CPQ: variants seen among roughly 807,000 people sequenced by gnomAD.
CPQ encodes Ser-Met dipeptidase.
A neutral mutation model predicts 45.7 loss-of-function variants in CPQ; 37 were observed. The ratio of observed to expected loss-of-function variants is 0.81; its 90% confidence interval spans 0.62 to 1.07. The LOEUF is 1.07. Ranked by LOEUF, CPQ falls within the 50% of genes least tolerant of loss-of-function variation. The pLI is 0.00. For missense variants in CPQ, 537 were observed against 572.9 expected (o/e 0.94, Z 0.64); for synonymous variants, 186 against 205.8 (o/e 0.90, Z 0.82).
chr8:96,908,241 A>C (rs762131964), intron 4 of CPQ, among the ~76,000 whole-genome samples: 14 of 152,084 alleles, frequency 9.2e-5, no homozygotes, highest in Non-Finnish European at 1.9e-4. Context: ...AATATATTTC[A>C]GAATTCTTAA....
At chr8:97,101,582 T>C (rs1028956483) in intron 7 of CPQ, among the ~76,000 whole-genome samples, 2 of 148,406 alleles carry the variant, frequency 1.3e-5, no homozygotes, top group African/African-American at 4.9e-5. Flanking sequence ...CTTTTTTTTT[T>C]TTTTTTTTTG....
chr8:96,782,992 C>A (rs921853510), intron 1 of CPQ, among the ~76,000 whole-genome samples: 24 of 152,158 alleles, frequency 1.6e-4, no homozygotes, highest in Non-Finnish European at 3.2e-4. Flanking sequence ...ATATTTCTGT[C>A]AGCATTCTGG....
chr8:96,717,524 G>T lies in CPQ; in HGVS notation c.-34-67340G>T, dbSNP rs186720497. Among the ~76,000 whole-genome samples, 383 of 152,118 alleles carry T rather than the reference G, an allele frequency of 2.5e-3. 4 individuals are homozygous for T. The highest frequency in any genetic ancestry group is 8.7e-3 in the African/African-American group (359 of 41,470). Reference sequence around the variant, plus strand: ...AAGAACAATATGATTTATTCTTTTCGCTTAGCCTTGCTTTGGCTATGTAGG... The same window carrying T: ...AAGAACAATATGATTTATTCTTTTCTCTTAGCCTTGCTTTGGCTATGTAGG... On this transcript the variant is annotated intron_variant, in intron 1 of 7. Transcript: ENST00000220763.
At chr8:96,945,564 G>GT (rs746947428) in intron 4 of CPQ, among the ~76,000 whole-genome samples, 1 of 151,994 alleles carries the variant, frequency 6.6e-6, no homozygotes, top group East Asian at 1.9e-4. Context: ...TGATTGAGCT[G>GT]TTTTTTCTTT....
chr8:96,930,858 G>A (rs1410920099), intron 4 of CPQ, among the ~76,000 whole-genome samples: 5 of 152,206 alleles, frequency 3.3e-5, no homozygotes, highest in Non-Finnish European at 7.4e-5. Context: ...TGAGAAGGAA[G>A]ATGTTTTTCC....
Position 96,977,347 on chromosome 8 carries a change from TG to T in CPQ, c.961+11303del, listed in dbSNP as rs1323335535. On this transcript the variant is annotated intron_variant, in intron 5 of 7. Coordinates refer to ENST00000220763, the MANE Select transcript of CPQ (RefSeq NM_016134.4). ...ATCAAAAAAAAAAAAAAATAGATGTTGGCAGGGATGCAGTAAAAAGGGAACA... is the reference window on the plus strand; with the variant it reads ...ATCAAAAAAAAAAAAAAATAGATGTTGCAGGGATGCAGTAAAAAGGGAACA... Among the ~76,000 whole-genome samples, 71 of 149,920 alleles carry T rather than the reference TG, an allele frequency of 4.7e-4. 1 individual carries two copies. The highest frequency in any genetic ancestry group is 3.3e-4 in the Admixed American group (5 of 15,026).
chr8:97,098,528 A>G (rs1811247685), intron 7 of CPQ, among the ~76,000 whole-genome samples: 1 of 152,168 alleles, frequency 6.6e-6, no homozygotes. Context: ...TGAACACCCT[A>G]GAATTAATTT....
chr8:96,691,143 T>C (rs371085469), intron 1 of CPQ, among the ~76,000 whole-genome samples: 163 of 152,286 alleles, frequency 1.1e-3, no homozygotes, highest in African/African-American at 3.7e-3. Flanking sequence ...TAAATGAAGG[T>C]AACAGCAGGG....
chr8:96,807,398 T>A (rs968805602), intron 2 of CPQ, among the ~76,000 whole-genome samples: 5 of 152,024 alleles, frequency 3.3e-5, no homozygotes, highest in African/African-American at 1.2e-4. Context: ...CATGCCCGGC[T>A]GATTTTTTGT....
chr8:96,951,556 C>G (rs1813265697), intron 4 of CPQ, among the ~76,000 whole-genome samples: 1 of 152,014 alleles, frequency 6.6e-6, no homozygotes, highest in Non-Finnish European at 1.5e-5. Flanking sequence ...TATATGATTG[C>G]TTGAGCTATA....
intron 1 of CPQ, among the ~76,000 whole-genome samples, chr8:96,709,617 A>G (rs1809581557): frequency 6.6e-6 from 1 of 152,090 alleles, no homozygotes; most frequent in Non-Finnish European, 1.5e-5. Flanking sequence ...GATACCTAGT[A>G]GTGGGATTGC....
intron 3 of CPQ, among the ~76,000 whole-genome samples, chr8:96,837,245 T>G (rs1157622108): frequency 6.6e-6 from 1 of 152,224 alleles, no homozygotes; most frequent in African/African-American, 2.4e-5. Flanking sequence ...TAGAACCAAA[T>G]TTCTTTGATG....
At chr8:96,907,948 A>T (rs2130901969) in intron 4 of CPQ, among the ~76,000 whole-genome samples, 1 of 152,194 alleles carries the variant, frequency 6.6e-6, no homozygotes, top group African/African-American at 2.4e-5. Flanking sequence ...TTGTCATATA[A>T]TTGGAGGCTC....
At position 97,040,843 on chromosome 8, in the gene CPQ, A is replaced by T. The variant is rs535366178; in HGVS notation, c.1053+11349A>T. Among the ~76,000 whole-genome samples, 5 of 152,262 alleles carry T rather than the reference A, an allele frequency of 3.3e-5. No individual in the cohort carries two copies. In the South Asian group the frequency reaches 1.0e-3, roughly 32 times the overall value. On this transcript the variant is annotated intron_variant, in intron 6 of 7. Coordinates refer to ENST00000220763, the MANE Select transcript of CPQ (RefSeq NM_016134.4). Reference sequence around the variant, plus strand: ...GCTCTGTTCTGTTCCATTGATCTATATCTCTGTTTTGGTACCAGTACCATG... The same window carrying T: ...GCTCTGTTCTGTTCCATTGATCTATTTCTCTGTTTTGGTACCAGTACCATG...
chr8:96,675,235 C>T (rs1671791516), intron 1 of CPQ, among the ~76,000 whole-genome samples: 1 of 152,032 alleles, frequency 6.6e-6, no homozygotes. Flanking sequence ...GAGACAAGCA[C>T]TGTTATCAGT....
chr8:97,009,950 T>TC (rs1259754009), intron 5 of CPQ, among the ~76,000 whole-genome samples: 1 of 152,178 alleles, frequency 6.6e-6, no homozygotes, highest in African/African-American at 2.4e-5. Context: ...GCCTCTTTTT[T>TC]CCCCTCCCAC....
chr8:96,964,335 C>T (rs1344999723), intron 4 of CPQ, among the ~76,000 whole-genome samples: 2 of 151,960 alleles, frequency 1.3e-5, no homozygotes, highest in African/African-American at 4.8e-5. Flanking sequence ...TAGCAATGTA[C>T]AAGAGTTCCA....
chr8:96,756,462 A>C (rs962049621), intron 1 of CPQ, among the ~76,000 whole-genome samples: 2 of 152,248 alleles, frequency 1.3e-5, no homozygotes. Context: ...TCTGAAAGTC[A>C]AATACTGGTG....
At chr8:97,130,688 C>T (rs1372797347) in intron 7 of CPQ, among the ~76,000 whole-genome samples, 2 of 152,104 alleles carry the variant, frequency 1.3e-5, no homozygotes, top group Non-Finnish European at 2.9e-5. Context: ...AAGATTTTTT[C>T]ATGAGCATTG....
Sources: gnomAD v4.1 joint callset for allele counts (sites outside exome capture counted in the v4.1 genomes callset) on GRCh38, gnomAD v4.1.1 for gene constraint, MANE v1.5 for transcripts, NCBI Gene and HGNC (gene_info 2026-07-23, HGNC 2026-07-21) for gene names.